The following ANK3 variants were observed in gnomAD, a reference collection of about 807,000 sequenced individuals.
The protein encoded by ANK3 is ankyrin-3.
In ANK3, 57 loss-of-function variants were observed where a neutral mutation model predicts 370.9. The observed-to-expected ratio is 0.15, with a 90% CI of 0.12 to 0.19. The LOEUF is 0.19. ANK3 is among the 10% of genes least tolerant of loss of function. The pLI is 1.00. For missense variants in ANK3, 4,439 were observed against 5,302.1 expected (o/e 0.84, Z 5.06); for synonymous variants, 1,929 against 1,946.3 (o/e 0.99, Z 0.23).
intron 1 of ANK3, among the ~76,000 whole-genome samples, chr10:60,379,003 A>G (rs2061187849): frequency 6.6e-6 from 1 of 152,120 alleles, no homozygotes; most frequent in South Asian, 2.1e-4. Context: ...TAGCTCAAAC[A>G]TCTCAACAGC....
chr10:60,122,179 G>A (rs2393612), intron 25 of ANK3, among the ~76,000 whole-genome samples: 51,833 of 152,082 alleles, frequency 0.34, 9,124 homozygotes, highest in Non-Finnish European at 0.39. Flanking sequence ...TGTAACTATG[G>A]GCCTCTCCCT....
intron 2 of ANK3, chr10:60,572,569 G>T: frequency 6.5e-7 from 1 of 1,529,302 alleles, no homozygotes; most frequent in Non-Finnish European, 8.7e-7. Context: ...ACAGATCACC[G>T]CCGGTATTCC....
chr10:60,550,325 A>G (rs2077061216), intron 2 of ANK3, among the ~76,000 whole-genome samples: 1 of 151,936 alleles, frequency 6.6e-6, no homozygotes, highest in Admixed American at 6.6e-5. Flanking sequence ...CCTTTCCTGT[A>G]AGTAACTAAG....
At chr10:60,527,449 A>G (rs1201076654) in intron 2 of ANK3, among the ~76,000 whole-genome samples, 2 of 152,152 alleles carry the variant, frequency 1.3e-5, no homozygotes, top group Non-Finnish European at 2.9e-5. Flanking sequence ...ACACACCCAC[A>G]TGAGTTCTTA....
chr10:60,060,621 T>G (rs2080230261), intron 40 of ANK3: 2 of 152,284 alleles, frequency 1.3e-5, no homozygotes, highest in Admixed American at 6.5e-5. Flanking sequence ...GGAAAAAAAT[T>G]TTAAACGATG....
chr10:60,180,594 C>CAAAAAAAAAAAAAAAAAAAAA (rs58386273), intron 18 of ANK3, among the ~76,000 whole-genome samples: 3 of 63,412 alleles, frequency 4.7e-5, no homozygotes, highest in African/African-American at 6.9e-5. Context: ...GACTCCGTCT[C>CAAAAAAAAAAAAAAAAAAAAA]AAAAAAAAAA....
chr10:60,675,353 C>T (rs1298771773), intron 1 of ANK3, among the ~76,000 whole-genome samples: 1 of 152,146 alleles, frequency 6.6e-6, no homozygotes, highest in African/African-American at 2.4e-5. Flanking sequence ...TGTTTGCAGC[C>T]AGACTAGCAT....
intron 5 of ANK3, among the ~76,000 whole-genome samples, chr10:60,264,472 C>T (rs1344704254): frequency 3.3e-5 from 5 of 151,770 alleles, no homozygotes; most frequent in African/African-American, 1.2e-4. Flanking sequence ...ATTGTGAAAC[C>T]CCGTCTCTAC....
rs774263400 is a variant in ANK3 at position 60,172,924 on chromosome 10, G to A, written c.2358C>T (p.Asn786=). Reference sequence around the variant, plus strand: ...CCACAGTGAGTTCATTGGGGGAGGCGTTGTTCTGAAGTAAGACATTTATTA... The same window carrying A: ...CCACAGTGAGTTCATTGGGGGAGGCATTGTTCTGAAGTAAGACATTTATTA... ...THIINVLLQN[N]ASPNELTVNG... Residue 786 remains asparagine, a synonymous_variant, in exon 20 of 44, where the codon AAC becomes AAT. Coordinates refer to ENST00000280772, the MANE Select transcript of ANK3 (RefSeq NM_020987.5). The A allele has an allele frequency of 2.9e-5, 47 of 1,613,654 alleles. No homozygotes were observed. Among genetic ancestry groups the A allele is most frequent in the African/African-American group, 4.0e-5 (3 of 74,892 alleles).
intron 2 of ANK3, among the ~76,000 whole-genome samples, chr10:60,473,195 C>G (rs2065259649): frequency 6.6e-6 from 1 of 152,140 alleles, no homozygotes; most frequent in Non-Finnish European, 1.5e-5. Context: ...GACATTCACA[C>G]TCATGTATTT....
intron 11 of ANK3, among the ~76,000 whole-genome samples, chr10:60,203,555 T>C (rs1303376038): frequency 2.0e-5 from 3 of 152,188 alleles, no homozygotes; most frequent in Admixed American, 1.3e-4. Flanking sequence ...ATGTCACATA[T>C]AAAAGAGCAG....
chr10:60,117,379 G>A (rs550777791), intron 25 of ANK3, among the ~76,000 whole-genome samples: 3 of 152,294 alleles, frequency 2.0e-5, no homozygotes, highest in South Asian at 2.1e-4. Context: ...GTAAGTAGAC[G>A]AGACACATAG....
intron 25 of ANK3, among the ~76,000 whole-genome samples, chr10:60,128,500 C>T (rs1292712185): frequency 6.6e-6 from 1 of 152,070 alleles, no homozygotes; most frequent in Non-Finnish European, 1.5e-5. Flanking sequence ...CTGCCTCAGC[C>T]TCCCGAGTAG....
chr10:60,720,570 TA>T (rs2079849994), intron 1 of ANK3, among the ~76,000 whole-genome samples: 1 of 152,210 alleles, frequency 6.6e-6, no homozygotes, highest in Non-Finnish European at 1.5e-5. Flanking sequence ...CAAAATCTTA[TA>T]TATCTATATC....
rs189350970 is a variant in ANK3, at chr10:60,377,481, G to A, written c.114+11944C>T. Among the ~76,000 whole-genome samples, 11 of 152,268 alleles carry A rather than the reference G, an allele frequency of 7.2e-5. No homozygotes were observed. The East Asian group carries it at 2.1e-3, about 29-fold the overall frequency. ...TTGCAATAATATTTAACATCCCCAT[G>A]TAATATTTGAAGTTAAAAACATAAA... On this transcript the variant is annotated intron_variant, in intron 1 of 43. Transcript: ENST00000280772.
intron 2 of ANK3, among the ~76,000 whole-genome samples, chr10:60,405,156 C>G (rs147543803): frequency 3.4e-4 from 52 of 152,230 alleles, no homozygotes; most frequent in African/African-American, 1.2e-3. Context: ...ACCCTATAAC[C>G]TAGCAATTCC....
At position 60,684,890 on chromosome 10, in the gene ANK3, T is replaced by G. The variant is rs548675765; in HGVS notation, c.57+48373A>C. On this transcript the variant is annotated intron_variant, in intron 1 of 43. Transcript: ENST00000373827. Reference sequence around the variant, plus strand: ...TTATCAGAAAATCAAGGAGTCCCTGTACTTACAGTTGCTAATAAACAAGAC... The same window carrying G: ...TTATCAGAAAATCAAGGAGTCCCTGGACTTACAGTTGCTAATAAACAAGAC... The G allele has an allele frequency of 7.4e-6, 11 of 1,491,056 alleles. No individual in the cohort carries two copies. The African/African-American group carries it at 1.4e-4, about 19-fold the overall frequency. 92.4% of individuals were successfully genotyped at this position (1,491,056 alleles called of 1,614,324 possible). A position where few individuals can be genotyped will look rare whatever the true frequency, so the allele number is the denominator to read the frequency against.
At chr10:60,559,598 T>C (rs977274072) in intron 2 of ANK3, among the ~76,000 whole-genome samples, 1 of 152,200 alleles carries the variant, frequency 6.6e-6, no homozygotes, top group Non-Finnish European at 1.5e-5. Flanking sequence ...AATTTAAACT[T>C]TGAATAGCTT....
intron 7 of ANK3, among the ~76,000 whole-genome samples, chr10:60,244,837 G>A (rs543907740): frequency 6.2e-4 from 94 of 152,324 alleles, no homozygotes; most frequent in African/African-American, 2.2e-3. Context: ...GCACATAAAA[G>A]GTAATCAATA....
Sources: allele counts gnomAD v4.1 joint callset (sites outside exome capture counted in the v4.1 genomes callset), GRCh38; gene constraint gnomAD v4.1.1; transcripts MANE v1.5; gene names NCBI Gene and HGNC (gene_info 2026-07-23, HGNC 2026-07-21).